The following SCMH1 variants were observed in gnomAD, a reference collection of about 807,000 sequenced individuals.
SCMH1 encodes Scm polycomb group protein homolog 1.
Under a neutral mutation model 70.8 loss-of-function variants are expected in SCMH1, and 37 were observed. The ratio of observed to expected loss-of-function variants is 0.52; its 90% CI spans 0.40 to 0.69. SCMH1 has a LOEUF of 0.69. Among genes scored for constraint, SCMH1 ranks in the 30% least tolerant of loss-of-function variants. SCMH1 has a pLI of 0.00. For missense variants in SCMH1, 607 were observed against 827.3 expected (o/e 0.73, Z 3.27); for synonymous variants, 292 against 307.4 (o/e 0.95, Z 0.52).
intron 4 of SCMH1, among the ~76,000 whole-genome samples, chr1:41,156,815 A>G (rs1002015407): frequency 6.6e-6 from 1 of 152,034 alleles, no homozygotes; most frequent in Non-Finnish European, 1.5e-5. Flanking sequence ...TTGCTGAAAT[A>G]TCCTCTAGAA....
At chr1:41,209,184 AATAG>A (rs1656382584) in intron 1 of SCMH1, among the ~76,000 whole-genome samples, 1 of 152,220 alleles carries the variant, frequency 6.6e-6, no homozygotes, top group Admixed American at 6.5e-5. Context: ...TGAATCTCTG[AATAG>A]ACCAATAACA....
chr1:41,236,573 A>T (rs926521836), intron 1 of SCMH1, among the ~76,000 whole-genome samples: 3 of 152,216 alleles, frequency 2.0e-5, no homozygotes, highest in Non-Finnish European at 2.9e-5. Context: ...ATAACAGGTG[A>T]TAAGTCTTGC....
upstream of SCMH1, chr1:41,242,219 A>G (rs1196619236): frequency 1.7e-5 from 1 of 58,602 alleles, no homozygotes; most frequent in Non-Finnish European, 3.5e-5. The surrounding 1 kb of genome is among the most constrained non-coding windows in gnomAD (Gnocchi z 5.2). Flanking sequence ...GTGGCGGCTG[A>G]GGCGGGGGGC....
At chr1:41,055,612 G>A (rs1245757929) in intron 10 of SCMH1, among the ~76,000 whole-genome samples, 7 of 152,348 alleles carry the variant, frequency 4.6e-5, no homozygotes, top group Middle Eastern at 3.4e-3. Flanking sequence ...GATTACAGGC[G>A]TGAGCCACCG....
At chr1:41,057,124 C>G (rs1026168604) in intron 10 of SCMH1, among the ~76,000 whole-genome samples, 1 of 152,142 alleles carries the variant, frequency 6.6e-6, no homozygotes, top group Non-Finnish European at 1.5e-5. Context: ...GGGCGGGGAC[C>G]AGAAGCACTT....
At chr1:41,194,953 G>A (rs1652641563) in intron 1 of SCMH1, among the ~76,000 whole-genome samples, 1 of 151,796 alleles carries the variant, frequency 6.6e-6, no homozygotes, top group Non-Finnish European at 1.5e-5. Flanking sequence ...GCAACCTGGA[G>A]AAACCCCATC....
rs538288454 is a variant in SCMH1, at chr1:41,132,161, C to G, written c.412+10717G>C. Among the ~76,000 whole-genome samples the G allele has an allele frequency of 5.9e-5, 9 of 152,230 alleles. No individual in the cohort carries two copies. The East Asian group carries it at 1.7e-3, about 29-fold the overall frequency. On this transcript the variant is annotated intron_variant, in intron 6 of 14. Coordinates refer to ENST00000337495, the Ensembl canonical transcript of SCMH1. ...ATGGGTGAACTAATTTACATACCCACCAACAGTGTAAAAGTGTTCCTATTT... is the reference window on the plus strand; with the variant it reads ...ATGGGTGAACTAATTTACATACCCAGCAACAGTGTAAAAGTGTTCCTATTT...
At chr1:41,211,495 C>T (rs576633103) in intron 1 of SCMH1, among the ~76,000 whole-genome samples, 62 of 151,898 alleles carry the variant, frequency 4.1e-4, no homozygotes, top group African/African-American at 1.3e-3. Flanking sequence ...GTTAGAATGG[C>T]GATTAAAAAG....
chr1:41,205,273 A>C (rs1448876801), intron 1 of SCMH1, among the ~76,000 whole-genome samples: 1 of 152,130 alleles, frequency 6.6e-6, no homozygotes, highest in African/African-American at 2.4e-5. Flanking sequence ...GGGTTGGGGG[A>C]TTTCCCTTTC....
intron 3 of SCMH1, 107 bp from the exon 4 acceptor site, chr1:41,161,005 C>G (rs1438316425): frequency 8.9e-7 from 1 of 1,126,372 alleles, no homozygotes; most frequent in Non-Finnish European, 1.3e-6. Flanking sequence ...TTGTCTAGTT[C>G]AGTTATCTCA....
chr1:41,229,525 G>A (rs532657956), intron 1 of SCMH1, among the ~76,000 whole-genome samples: 3 of 152,284 alleles, frequency 2.0e-5, no homozygotes, highest in Non-Finnish European at 4.4e-5. Flanking sequence ...TCACTCACAG[G>A]TGGGAAGTGA....
intron 6 of SCMH1, among the ~76,000 whole-genome samples, chr1:41,119,709 T>A (rs761401382): frequency 1.1e-4 from 16 of 152,168 alleles, no homozygotes; most frequent in Non-Finnish European, 1.6e-4. Context: ...CACTGCTACA[T>A]GGAGAACAGA....
At chr1:41,127,864 A>G (rs187604287) in intron 6 of SCMH1, among the ~76,000 whole-genome samples, 83 of 152,250 alleles carry the variant, frequency 5.5e-4, no homozygotes, top group Non-Finnish European at 8.4e-4. Flanking sequence ...TCTGCAAGCA[A>G]GAAGAGGACC....
At chr1:41,089,361 G>A (rs1375657737) in intron 8 of SCMH1, among the ~76,000 whole-genome samples, 1 of 152,178 alleles carries the variant, frequency 6.6e-6, no homozygotes, top group Non-Finnish European at 1.5e-5. Flanking sequence ...AATGGCACAA[G>A]CTAAAAACCT....
rs1412822576 is a variant in SCMH1, at chr1:41,164,832, C to T, written c.14-3400G>A. Among the ~76,000 whole-genome samples, 5 of 152,192 alleles carry T rather than the reference C, an allele frequency of 3.3e-5. No homozygotes were observed. In the East Asian group the frequency reaches 7.7e-4, roughly 23 times the overall value. Reference sequence around the variant, plus strand: ...ATACGTACACATTGTGGAATGATCACACCAGAGTATAGCAATTAGTATATC... The same window carrying T: ...ATACGTACACATTGTGGAATGATCATACCAGAGTATAGCAATTAGTATATC... On this transcript the variant is annotated intron_variant, in intron 2 of 14. Transcript: ENST00000337495.
At chr1:41,165,500 C>T (rs894951946) in intron 2 of SCMH1, among the ~76,000 whole-genome samples, 16 of 152,070 alleles carry the variant, frequency 1.1e-4, no homozygotes, top group Middle Eastern at 6.8e-3. Context: ...TTGTGATATC[C>T]GTAACAGTGT....
chr1:41,224,594 A>G (rs1345802193), intron 1 of SCMH1, among the ~76,000 whole-genome samples: 3 of 152,208 alleles, frequency 2.0e-5, no homozygotes, highest in African/African-American at 7.2e-5. Flanking sequence ...AATCTACTAG[A>G]CACTTTTTTA....
At chr1:41,194,342 T>C (rs755758743) in intron 1 of SCMH1, among the ~76,000 whole-genome samples, 2 of 152,248 alleles carry the variant, frequency 1.3e-5, no homozygotes, top group Non-Finnish European at 2.9e-5. Flanking sequence ...GATCTGATTT[T>C]TGCATGGTTC....
In SCMH1 at chr1:41,224,558, T is replaced by C. The variant is rs540147969; in HGVS notation, c.-118+17501A>G. 2.8e-4 allele frequency among the ~76,000 whole-genome samples: 42 copies of C among 152,316 alleles called. No homozygotes were observed. The South Asian group carries it at 7.9e-3, about 29-fold the overall frequency. On this transcript the variant is annotated intron_variant, in intron 1 of 14. Transcript: ENST00000337495. Reference sequence around the variant, plus strand: ...GGTGTGATGCTAAGGCAAAGGTAAATTGACTGATAATCAAACACTCAGGTC... The same window carrying C: ...GGTGTGATGCTAAGGCAAAGGTAAACTGACTGATAATCAAACACTCAGGTC...
Sources: gnomAD v4.1 joint callset for allele counts (sites outside exome capture counted in the v4.1 genomes callset) on GRCh38, gnomAD v4.1.1 for gene constraint, Gnocchi (gnomAD v3.1) non-coding constraint, MANE v1.5 for transcripts, NCBI Gene and HGNC (gene_info 2026-07-23, HGNC 2026-07-21) for gene names.